The following DNAAF9 variants were observed in gnomAD, a reference collection of about 807,000 sequenced individuals.
DNAAF9 encodes the protein dynein axonemal assembly factor 9, also known as shulin.
In DNAAF9, 90 loss-of-function variants were observed where a neutral mutation model predicts 167.0. The ratio of observed to expected loss-of-function variants is 0.54; its 90% CI spans 0.45 to 0.64. DNAAF9 has a LOEUF of 0.64. Ranked by LOEUF, DNAAF9 falls within the 30% of genes least tolerant of loss-of-function variation. The probability of loss-of-function intolerance (pLI) is 0.00; values close to 1 mark genes in which losing one functional copy is unlikely to be tolerated. For missense variants in DNAAF9, 1,315 were observed against 1,442.2 expected, an observed-to-expected ratio of 0.91 and a Z score of 1.43; for synonymous variants, 491 against 508.8, an observed-to-expected ratio of 0.96 and a Z score of 0.47.
intron 1 of DNAAF9, among the ~76,000 whole-genome samples, chr20:3,395,234 G>A (rs2083889185): frequency 7.2e-6 from 1 of 138,508 alleles, no homozygotes; most frequent in East Asian, 2.0e-4. Flanking sequence ...GCCTCCCAAA[G>A]TGCTGGGATT....
intron 3 of DNAAF9, among the ~76,000 whole-genome samples, chr20:3,380,493 T>C (rs6139103): frequency 0.19 from 29,288 of 152,134 alleles, 3,013 homozygotes; most frequent in African/African-American, 0.23. Context: ...GCATTGTAGA[T>C]GTTTAGCATC....
At chr20:3,314,650 T>C (rs2069472417) in intron 20 of DNAAF9, among the ~76,000 whole-genome samples, 2 of 152,308 alleles carry the variant, frequency 1.3e-5, no homozygotes, top group South Asian at 2.1e-4. Flanking sequence ...ACTTCTGACC[T>C]GGAGAACTGT....
chr20:3,316,623 C>A, intron 18 of DNAAF9, 100 bp downstream of exon 18: 2 of 772,478 alleles, frequency 2.6e-6, no homozygotes, highest in Non-Finnish European at 2.3e-6. Context: ...AGTTCAGGAC[C>A]TGACATCCCA....
intron 7 of DNAAF9, among the ~76,000 whole-genome samples, chr20:3,353,819 A>T (rs1350675725): frequency 6.6e-6 from 1 of 152,134 alleles, no homozygotes; most frequent in Non-Finnish European, 1.5e-5. Flanking sequence ...GCTAACTTGT[A>T]GGTGAAAAAC....
chr20:3,264,538 C>T lies in DNAAF9; in HGVS notation c.2787-14G>A. ...ATGTCTTCATTCCTTTGAAAACACA[C>T]AGAAAAGACCTAGATTAATTAGGAC... is the stretch of plus-strand genomic sequence containing the variant. On this transcript the variant is annotated splice_polypyrimidine_tract_variant and intron_variant, in intron 30 of 36. Coordinates refer to ENST00000252032, the MANE Select transcript of DNAAF9 (RefSeq NM_001009984.3). 1 of 1,269,584 alleles carries T rather than the reference C, an allele frequency of 7.9e-7. No individual in the cohort carries two copies. Among genetic ancestry groups the T allele is most frequent in the Non-Finnish European group, 1.2e-6 (1 of 869,138 alleles). The allele number at this position is 1,269,584 out of a possible 1,614,324, so 78.6% of individuals were successfully genotyped here.
chr20:3,286,154 G>GT (rs1159917944), intron 27 of DNAAF9, among the ~76,000 whole-genome samples: 1 of 152,158 alleles, frequency 6.6e-6, no homozygotes, highest in Non-Finnish European at 1.5e-5. Flanking sequence ...GGCCCAGCTG[G>GT]TAAGAACAGC....
At chr20:3,302,634 A>G (rs1471432424) in intron 21 of DNAAF9, among the ~76,000 whole-genome samples, 2 of 152,250 alleles carry the variant, frequency 1.3e-5, no homozygotes, top group Admixed American at 6.5e-5. Context: ...TTACATACAC[A>G]ACATGGATGA....
intron 31 of DNAAF9, among the ~76,000 whole-genome samples, chr20:3,262,251 T>TC: frequency 6.7e-6 from 1 of 149,458 alleles, no homozygotes; most frequent in African/African-American, 2.4e-5. Flanking sequence ...TCACATTCTT[T>TC]TTTTTTTTTT....
At chr20:3,361,492 G>A (rs2083364431) in intron 6 of DNAAF9, among the ~76,000 whole-genome samples, 1 of 152,202 alleles carries the variant, frequency 6.6e-6, no homozygotes, top group South Asian at 2.1e-4. Flanking sequence ...AAAGTGGGAG[G>A]TGGGAGGGTA....
chr20:3,304,263 G>A (rs374691662), intron 21 of DNAAF9, among the ~76,000 whole-genome samples, 177 bp downstream of exon 21: 122 of 152,276 alleles, frequency 8.0e-4, no homozygotes, highest in African/African-American at 2.8e-3. Flanking sequence ...GCTCGTAAGC[G>A]TCTTGAGAAT....
chr20:3,374,942 G>T (rs1420521320), intron 5 of DNAAF9, 88 bp downstream of exon 5: 1 of 713,376 alleles, frequency 1.4e-6, no homozygotes, highest in South Asian at 1.8e-5. Flanking sequence ...TTTCTCAGCT[G>T]AATGCCCCCA....
intron 35 of DNAAF9, among the ~76,000 whole-genome samples, chr20:3,254,208 A>T (rs560569961): frequency 1.3e-5 from 2 of 152,212 alleles, no homozygotes; most frequent in African/African-American, 4.8e-5. Context: ...CCTCCCGAGT[A>T]GCTGGGATTA....
At chr20:3,279,889 T>C (rs1396579083) in intron 28 of DNAAF9, among the ~76,000 whole-genome samples, 1 of 152,226 alleles carries the variant, frequency 6.6e-6, no homozygotes, top group African/African-American at 2.4e-5. Context: ...CTCTTCTGAA[T>C]GGCTGCTGGT....
At position 3,304,444 on chromosome 20, in the gene DNAAF9, T is replaced by G; in HGVS notation, c.1778A>C (p.Asp593Ala). 7.2e-7 allele frequency: 1 copy of G among 1,392,642 alleles called. No homozygotes were observed. The highest frequency in any genetic ancestry group is 1.0e-6 in the Non-Finnish European group (1 of 978,680). 86.3% of individuals were successfully genotyped at this position (1,392,642 alleles called of 1,614,324 possible). The change falls in exon 21 of 37, where the codon GAT (aspartate) becomes GCT (alanine). Residue 593 changes from aspartate to alanine, a missense_variant. Transcript: ENST00000252032. ...ACTGACTAGTAAAACACCTACCCCA[T>G]CATAGAAGGAAATGGAATTCATGTG... ...KDHMNSISFY[D>A]GDSTSTVAAL...
Position 3,260,106 on chromosome 20 carries a change from G to A in DNAAF9, c.2874-78C>T, listed in dbSNP as rs759321443. On this transcript the variant is annotated intron_variant, in intron 31 of 36. Coordinates refer to ENST00000252032, the MANE Select transcript of DNAAF9 (RefSeq NM_001009984.3). ...TGTAATCCCAGCACTCTGGGAGGCCGAGGCGGGTGGATCATGAGGTCAGGA... is the reference window on the plus strand; with the variant it reads ...TGTAATCCCAGCACTCTGGGAGGCCAAGGCGGGTGGATCATGAGGTCAGGA... The A allele has an allele frequency of 2.7e-4, 194 of 725,264 alleles. 1 individual carries two copies. The highest frequency in any genetic ancestry group is 4.2e-4 in the Non-Finnish European group (169 of 407,022). The allele number at this position is 725,264 out of a possible 1,614,324, so 44.9% of individuals were successfully genotyped here. A position where few individuals can be genotyped will look rare whatever the true frequency, so the allele number is the denominator to read the frequency against.
At chr20:3,293,989 A>G (rs1308771160) in intron 25 of DNAAF9, 150 bp downstream of exon 25, 2 of 619,590 alleles carry the variant, frequency 3.2e-6, no homozygotes, top group Admixed American at 2.7e-5. Context: ...GTTACATGTT[A>G]TCATTACATT....
At chr20:3,261,342 CCTTT>C (rs1459702299) in intron 31 of DNAAF9, among the ~76,000 whole-genome samples, 1 of 151,400 alleles carries the variant, frequency 6.6e-6, no homozygotes, top group Non-Finnish European at 1.5e-5. Context: ...TAGCCTGTTT[CCTTT>C]ATTTTAATTA....
At chr20:3,270,698 A>G in intron 29 of DNAAF9, 136 bp from the exon 30 acceptor site, 1 of 661,838 alleles carries the variant, frequency 1.5e-6, no homozygotes, top group South Asian at 1.7e-5. Context: ...CTTACACCCC[A>G]ATACCAACAT....
At chr20:3,288,417 T>C (rs191063540) in intron 26 of DNAAF9, among the ~76,000 whole-genome samples, 152 of 152,226 alleles carry the variant, frequency 1.0e-3, no homozygotes, top group African/African-American at 3.4e-3. Context: ...ACCACTGCAC[T>C]CCAGCCTGGG....
Sources: allele counts gnomAD v4.1 joint callset (sites outside exome capture counted in the v4.1 genomes callset), GRCh38; gene constraint gnomAD v4.1.1; transcripts MANE v1.5; gene names NCBI Gene and HGNC (gene_info 2026-07-23, HGNC 2026-07-21).